The following DOCK1 variants were observed in gnomAD, a reference collection of about 807,000 sequenced individuals.
DOCK1 encodes the protein dedicator of cytokinesis protein 1.
In DOCK1, 138 loss-of-function variants were observed where a neutral mutation model predicts 262.7. The ratio of observed to expected loss-of-function variants is 0.53; its 90% CI spans 0.46 to 0.61. The LOEUF (loss-of-function observed/expected upper bound fraction) is 0.61, where lower values mean the gene tolerates loss of function less well. Ranked by LOEUF, DOCK1 falls within the 20% of genes least tolerant of loss-of-function variation. The pLI is 0.00. For missense variants in DOCK1, 1,908 were observed against 2,370.7 expected, an observed-to-expected ratio of 0.80 and a Z score of 4.05; for synonymous variants, 866 against 867.4, an observed-to-expected ratio of 1.00 and a Z score of 0.03.
intron 29 of DOCK1, among the ~76,000 whole-genome samples, chr10:127,261,305 G>A (rs1282521599): frequency 8.2e-6 from 1 of 121,554 alleles, no homozygotes; most frequent in East Asian, 2.7e-4. Context: ...GGGTGTGTGT[G>A]TGTGTGCCTG....
intron 27 of DOCK1, among the ~76,000 whole-genome samples, chr10:127,161,995 A>T (rs1431750119): frequency 6.6e-6 from 1 of 152,224 alleles, no homozygotes; most frequent in African/African-American, 2.4e-5. Context: ...TTTTCTGCTC[A>T]GGACGTTGAT....
intron 21 of DOCK1, among the ~76,000 whole-genome samples, chr10:127,045,674 C>T (rs528680735): frequency 3.3e-5 from 5 of 152,304 alleles, no homozygotes; most frequent in Admixed American, 1.3e-4. Flanking sequence ...GCTGTGTCTG[C>T]GGCTCCCCTG....
At chr10:127,282,066 T>C (rs530094055) in intron 29 of DOCK1, among the ~76,000 whole-genome samples, 1 of 152,294 alleles carries the variant, frequency 6.6e-6, no homozygotes. Flanking sequence ...AGTTTACGAA[T>C]TTGTGTTGGG....
At chr10:127,362,961 CCCCACATACACATACACATACACA>C (rs2064640739) in intron 33 of DOCK1, among the ~76,000 whole-genome samples, 1 of 24,720 alleles carries the variant, frequency 4.0e-5, no homozygotes, top group African/African-American at 1.6e-4. Flanking sequence ...ACATGTGCAT[CCCCACATACACATACACATACACA>C]TCCCCCCCCA....
At chr10:127,395,189 A>G (rs1039306774) in intron 38 of DOCK1, among the ~76,000 whole-genome samples, 1 of 152,150 alleles carries the variant, frequency 6.6e-6, no homozygotes, top group Non-Finnish European at 1.5e-5. Context: ...ACAAAATGCC[A>G]CAGACTGGGT....
chr10:127,038,575 C>G (rs1311254506), intron 19 of DOCK1, among the ~76,000 whole-genome samples: 1 of 152,114 alleles, frequency 6.6e-6, no homozygotes, highest in Non-Finnish European at 1.5e-5. Flanking sequence ...TTTAAGTGAC[C>G]AGGAGAGGTC....
At chr10:127,334,955 G>A (rs1029705247) in intron 29 of DOCK1, among the ~76,000 whole-genome samples, 9 of 152,090 alleles carry the variant, frequency 5.9e-5, no homozygotes, top group Admixed American at 5.9e-4. Context: ...AAACCTACAC[G>A]GTTTTCTGCA....
At chr10:127,039,470 T>G (rs1421828864) in intron 19 of DOCK1, among the ~76,000 whole-genome samples, 1 of 152,328 alleles carries the variant, frequency 6.6e-6, no homozygotes, top group East Asian at 1.9e-4. Context: ...TCTCATAGAT[T>G]CTCACATTTG....
At chr10:127,399,002 C>T (rs1019668299) in intron 38 of DOCK1, among the ~76,000 whole-genome samples, 14 of 152,122 alleles carry the variant, frequency 9.2e-5, no homozygotes, top group African/African-American at 3.4e-4. Flanking sequence ...ATTCATGGAA[C>T]TTGAAGAAAT....
chr10:127,034,989 G>A (rs1420987266), intron 18 of DOCK1, among the ~76,000 whole-genome samples: 1 of 152,150 alleles, frequency 6.6e-6, no homozygotes, highest in Non-Finnish European at 1.5e-5. Context: ...TGAGGGAGAG[G>A]GCACCCTGCT....
intron 4 of DOCK1, among the ~76,000 whole-genome samples, chr10:126,985,907 C>T (rs1458728310): frequency 6.6e-6 from 1 of 152,106 alleles, no homozygotes; most frequent in Non-Finnish European, 1.5e-5. Flanking sequence ...TGCAATGGTA[C>T]AATCTTGGCT....
At chr10:126,928,088 C>T (rs2033900272) in intron 1 of DOCK1, among the ~76,000 whole-genome samples, 1 of 152,200 alleles carries the variant, frequency 6.6e-6, no homozygotes, top group African/African-American at 2.4e-5. Flanking sequence ...GGGAACGGCA[C>T]ATCCTAGCCT....
At chr10:127,161,390 A>G (rs1486408997) in intron 27 of DOCK1, among the ~76,000 whole-genome samples, 1 of 152,178 alleles carries the variant, frequency 6.6e-6, no homozygotes, top group African/African-American at 2.4e-5. Flanking sequence ...CCTTTTTCCC[A>G]GTAGCTGATA....
intron 36 of DOCK1, among the ~76,000 whole-genome samples, chr10:127,380,411 T>C (rs2065761833): frequency 6.6e-6 from 1 of 152,104 alleles, no homozygotes; most frequent in Non-Finnish European, 1.5e-5. Flanking sequence ...GTGGCCCTTT[T>C]GCAAAAAGAT....
intron 25 of DOCK1, among the ~76,000 whole-genome samples, chr10:127,121,451 G>GTA (rs1175897574): frequency 7.4e-6 from 1 of 135,632 alleles, no homozygotes; most frequent in African/African-American, 2.8e-5. Context: ...TAGGGTATAT[G>GTA]TATATGTGTG....
intron 2 of DOCK1, among the ~76,000 whole-genome samples, chr10:126,975,611 C>T (rs2038466368): frequency 6.6e-6 from 1 of 151,788 alleles, no homozygotes; most frequent in Non-Finnish European, 1.5e-5. Context: ...ATAAACTTTG[C>T]TCATTTTCTT....
Position 127,176,351 on chromosome 10 carries a change from C to T in DOCK1, c.2847+48587C>T. 1 of 1,613,530 alleles carries T rather than the reference C, an allele frequency of 6.2e-7. No homozygotes were observed. The highest frequency in any genetic ancestry group is 8.5e-7 in the Non-Finnish European group (1 of 1,179,862). ...GGCAGGCGGCGGGTTCCACTTCACT[C>T]TCCGACGTTGTGAGTATGCATTTGC... On this transcript the variant is annotated intron_variant, in intron 27 of 51. Transcript: ENST00000623213. This position sits in a 1 kb window ranked among gnomAD's most constrained non-coding sequence, Gnocchi z 4.4.
At chr10:126,936,667 A>G (rs1397782819) in intron 1 of DOCK1, among the ~76,000 whole-genome samples, 1 of 152,206 alleles carries the variant, frequency 6.6e-6, no homozygotes, top group Non-Finnish European at 1.5e-5. Context: ...AAAGAATGCA[A>G]AACATTAGTG....
At chr10:127,200,736 T>G (rs1417779238) in intron 27 of DOCK1, among the ~76,000 whole-genome samples, 1 of 152,178 alleles carries the variant, frequency 6.6e-6, no homozygotes, top group African/African-American at 2.4e-5. Flanking sequence ...AGGAACGCCT[T>G]TGTTCTCAGG....
Sources: allele counts gnomAD v4.1 joint callset (sites outside exome capture counted in the v4.1 genomes callset), GRCh38; gene constraint gnomAD v4.1.1; non-coding constraint Gnocchi (gnomAD v3.1); transcripts MANE v1.5; gene names NCBI Gene and HGNC (gene_info 2026-07-23, HGNC 2026-07-21).